The following STIM1 variants were observed in gnomAD, a reference collection of about 807,000 sequenced individuals.
STIM1 encodes stromal interaction molecule 1.
A neutral mutation model predicts 74.7 loss-of-function variants in STIM1; 25 were observed. The ratio of observed to expected loss-of-function variants is 0.33; its 90% CI spans 0.24 to 0.47. The LOEUF (loss-of-function observed/expected upper bound fraction) is 0.47. STIM1 is among the 20% of genes least tolerant of loss of function. The pLI, the probability that STIM1 is intolerant of heterozygous loss-of-function variation, is 1.00. For missense variants in STIM1, 728 were observed against 920.8 expected (o/e 0.79, Z 2.71); for synonymous variants, 328 against 348.8 (o/e 0.94, Z 0.66).
At chr11:3,998,447 G>A (rs1026468723) in intron 2 of STIM1, among the ~76,000 whole-genome samples, 13 of 152,112 alleles carry the variant, frequency 8.5e-5, no homozygotes, top group African/African-American at 2.9e-4. Flanking sequence ...ACTAGCTATT[G>A]TAAGCTAAGC....
chr11:4,007,502 C>T (rs985891195), intron 2 of STIM1, among the ~76,000 whole-genome samples: 1 of 152,116 alleles, frequency 6.6e-6, no homozygotes, highest in Admixed American at 6.6e-5. Flanking sequence ...GGTGCTAGTA[C>T]CCAGCTTGTG....
chr11:3,913,002 G>A (rs2092589611), intron 1 of STIM1, among the ~76,000 whole-genome samples: 1 of 152,154 alleles, frequency 6.6e-6, no homozygotes, highest in South Asian at 2.1e-4. Context: ...CCCAGAGATG[G>A]AAGCCTCATT....
At chr11:3,940,544 A>G (rs1235019302) in intron 1 of STIM1, among the ~76,000 whole-genome samples, 1 of 152,194 alleles carries the variant, frequency 6.6e-6, no homozygotes, top group African/African-American at 2.4e-5. Flanking sequence ...GTGAGGAATA[A>G]TGAGGTGATG....
chr11:4,023,360 C>CA (rs924441148), intron 2 of STIM1, among the ~76,000 whole-genome samples: 1 of 151,974 alleles, frequency 6.6e-6, no homozygotes, highest in Non-Finnish European at 1.5e-5. Flanking sequence ...AACAAACAAA[C>CA]AACCATCACA....
intron 1 of STIM1, among the ~76,000 whole-genome samples, chr11:3,962,567 C>T (rs768839547): frequency 4.6e-5 from 7 of 152,080 alleles, no homozygotes; most frequent in Non-Finnish European, 1.0e-4. Flanking sequence ...CCGCAACAGA[C>T]ATGAGTGGTG....
intron 2 of STIM1, among the ~76,000 whole-genome samples, chr11:4,009,549 A>G: frequency 6.6e-6 from 1 of 151,936 alleles, no homozygotes; most frequent in East Asian, 1.9e-4. Flanking sequence ...CAGAGGTTGC[A>G]GTGAGCTGAG....
intron 2 of STIM1, among the ~76,000 whole-genome samples, chr11:4,007,372 T>G (rs528833236): frequency 1.3e-5 from 2 of 152,322 alleles, no homozygotes; most frequent in African/African-American, 2.4e-5. Context: ...ACTTTTAAAC[T>G]TTGTCTTAAA....
Position 4,036,980 on chromosome 11 carries a change from T to TATA in STIM1, c.385+12993_385+12994insATA, listed in dbSNP as rs1390960673. Among the ~76,000 whole-genome samples, 98 of 152,302 alleles carry TATA rather than the reference T, an allele frequency of 6.4e-4. 1 individual carries two copies. Among genetic ancestry groups the TATA allele is most frequent in the African/African-American group, 2.3e-3 (96 of 41,568 alleles). On this transcript the variant is annotated intron_variant, in intron 3 of 12. Transcript: ENST00000526596. ...GAGAAAATCAGGTCATGTTGGTTGATGGTATTGTTCAAGTCTACATATCTT... is the reference window on the plus strand; with the variant it reads ...GAGAAAATCAGGTCATGTTGGTTGATATAGGTATTGTTCAAGTCTACATATCTT...
At chr11:3,948,500 C>T (rs181377777) in intron 1 of STIM1, among the ~76,000 whole-genome samples, 20 of 151,976 alleles carry the variant, frequency 1.3e-4, no homozygotes, top group Admixed American at 1.2e-3. Context: ...ATTATTATGC[C>T]GTATTTTACA....
intron 2 of STIM1, among the ~76,000 whole-genome samples, chr11:4,006,133 A>G (rs919370399): frequency 1.3e-5 from 2 of 152,124 alleles, no homozygotes; most frequent in African/African-American, 4.8e-5. Context: ...GTTCTCATGA[A>G]TTGTTTAACA....
At chr11:3,894,290 T>G (rs2135390756) in intron 1 of STIM1, among the ~76,000 whole-genome samples, 1 of 152,302 alleles carries the variant, frequency 6.6e-6, no homozygotes. Flanking sequence ...AACCCAACAG[T>G]TAAACTCTTA....
At chr11:4,050,489 C>A (rs1047641128) in intron 3 of STIM1, among the ~76,000 whole-genome samples, 1 of 152,250 alleles carries the variant, frequency 6.6e-6, no homozygotes, top group Non-Finnish European at 1.5e-5. Flanking sequence ...CAGTTTATAT[C>A]TTTTAGTGGG....
intron 1 of STIM1, among the ~76,000 whole-genome samples, chr11:3,884,709 G>T (rs1032181062): frequency 6.6e-6 from 1 of 151,936 alleles, no homozygotes; most frequent in Non-Finnish European, 1.5e-5. Flanking sequence ...AGAAGCTTGG[G>T]AGGTGGAGGT....
intron 1 of STIM1, among the ~76,000 whole-genome samples, chr11:3,885,330 T>G (rs1472992888): frequency 6.6e-6 from 1 of 151,876 alleles, no homozygotes; most frequent in African/African-American, 2.4e-5. Context: ...AGACGTGTGC[T>G]AGCCTGGCCA....
At chr11:3,982,131 A>T (rs2093511536) in intron 2 of STIM1, among the ~76,000 whole-genome samples, 1 of 151,804 alleles carries the variant, frequency 6.6e-6, no homozygotes, top group African/African-American at 2.4e-5. Context: ...GGCTCAAGCA[A>T]TCTTCCAACT....
chr11:3,883,334 T>C (rs549225843), intron 1 of STIM1, among the ~76,000 whole-genome samples: 12 of 152,206 alleles, frequency 7.9e-5, no homozygotes, highest in Non-Finnish European at 1.5e-4. Flanking sequence ...ATCTCTATAA[T>C]GGGACACCAT....
chr11:4,014,591 G>C (rs1420921500), intron 2 of STIM1, among the ~76,000 whole-genome samples: 1 of 152,074 alleles, frequency 6.6e-6, no homozygotes, highest in African/African-American at 2.4e-5. Context: ...CTGAGTTCAA[G>C]TCCTGGATAT....
chr11:3,938,998 T>C (rs990440750), intron 1 of STIM1, among the ~76,000 whole-genome samples: 1 of 152,244 alleles, frequency 6.6e-6, no homozygotes, highest in Non-Finnish European at 1.5e-5. Flanking sequence ...ACTGCCATAC[T>C]AGCTTCAGCA....
At chr11:3,946,257 A>G (rs144026160) in intron 1 of STIM1, among the ~76,000 whole-genome samples, 138 of 152,316 alleles carry the variant, frequency 9.1e-4, no homozygotes, top group Non-Finnish European at 1.6e-3. Flanking sequence ...CCCAGTTTTC[A>G]TATCTGTTAA....
Sources: allele counts gnomAD v4.1 joint callset (sites outside exome capture counted in the v4.1 genomes callset), GRCh38; gene constraint gnomAD v4.1.1; transcripts MANE v1.5; gene names NCBI Gene and HGNC (gene_info 2026-07-23, HGNC 2026-07-21).